TDRD9: variants seen among roughly 807,000 people sequenced by gnomAD.
TDRD9 encodes the protein tudor domain containing 9.
TDRD9 carries 124 observed loss-of-function variants against 172.6 expected under a neutral mutation model. The observed-to-expected ratio is 0.72, with a 90% CI of 0.62 to 0.83. The LOEUF is 0.83. TDRD9 is among the 40% of genes least tolerant of loss of function. The pLI is 0.00. For synonymous variants in TDRD9, 619 were observed against 617.1 expected, an observed-to-expected ratio of 1.00 and a Z score of -0.05; for missense variants, 1,479 against 1,714.1, an observed-to-expected ratio of 0.86 and a Z score of 2.42.
chr14:104,031,014 AG>A, intron 28 of TDRD9, 93 bp from the exon 29 acceptor site: 1 of 1,118,860 alleles, frequency 8.9e-7, no homozygotes, highest in Non-Finnish European at 1.3e-6. Flanking sequence ...TAGAAATCAG[AG>A]TAACACTGTG....
chr14:103,963,219 A>C, intron 3 of TDRD9, 43 bp downstream of exon 3: 1 of 1,354,188 alleles, frequency 7.4e-7, no homozygotes, highest in African/African-American at 1.4e-5. Context: ...GTTTGAATAC[A>C]TGTCTGAGGC....
At chr14:104,031,699 A>G (rs1239893357) in intron 29 of TDRD9, among the ~76,000 whole-genome samples, 1 of 152,020 alleles carries the variant, frequency 6.6e-6, no homozygotes, top group East Asian at 1.9e-4. Context: ...TCTCAGGTCT[A>G]CCTGTGCAAC....
intron 2 of TDRD9, among the ~76,000 whole-genome samples, chr14:103,958,907 A>G (rs2032372342): frequency 6.6e-6 from 1 of 152,214 alleles, no homozygotes; most frequent in Non-Finnish European, 1.5e-5. Flanking sequence ...AAGACTAGTA[A>G]TAGGGCCTGT....
chr14:104,004,376 T>G, intron 14 of TDRD9, 41 bp downstream of exon 14: 1 of 963,998 alleles, frequency 1.0e-6, no homozygotes, highest in Middle Eastern at 2.9e-4. Flanking sequence ...TTTATTTATT[T>G]ATTTATTTAT....
chr14:104,040,199 T>C lies in TDRD9; in HGVS notation c.3720T>C (p.Ile1240=). The change falls in exon 33 of 36, where the codon ATT becomes ATC. Residue 1240 remains isoleucine, a synonymous_variant. Coordinates refer to ENST00000409874, the MANE Select transcript of TDRD9 (RefSeq NM_153046.3). ...CTTCTGAAAACATTCCATTTAGGAT[T>C]GATCAGAATGGCAAGTACTATACTG... is the stretch of plus-strand genomic sequence containing the variant. The part of the protein sequence containing the change: ...MLFAPVIELR[I]DQNGKYYTGV... 6.6e-7 allele frequency: 1 copy of C among 1,523,028 alleles called. No homozygotes were observed. Among genetic ancestry groups the C allele is most frequent in the Non-Finnish European group, 8.8e-7 (1 of 1,130,860 alleles). 94.3% of individuals were successfully genotyped at this position (1,523,028 alleles called of 1,614,324 possible).
At position 103,970,906 on chromosome 14, in the gene TDRD9, G is replaced by T. The variant is rs191847686; in HGVS notation, c.846+285G>T. On this transcript the variant is annotated intron_variant, in intron 6 of 35. Coordinates refer to ENST00000409874, the MANE Select transcript of TDRD9 (RefSeq NM_153046.3). ...TTGCTATACTCTATTTTTTAAATTT[G>T]TATTTTTATTTTTTCTGAATATTTT... is the stretch of plus-strand genomic sequence containing the variant. Among the ~76,000 whole-genome samples, 1,232 of 152,084 alleles carry T rather than the reference G, an allele frequency of 8.1e-3. 6 individuals are homozygous for T. The highest frequency in any genetic ancestry group is 0.024 in the Middle Eastern group (7 of 292).
At chr14:103,941,402 G>A in intron 1 of TDRD9, 1 of 1,533,486 alleles carries the variant, frequency 6.5e-7, no homozygotes, top group Non-Finnish European at 8.7e-7. Flanking sequence ...TTTACCTGCT[G>A]AGAATAGTTC....
At chr14:103,972,047 C>T (rs1010667535) in intron 6 of TDRD9, among the ~76,000 whole-genome samples, 1 of 152,024 alleles carries the variant, frequency 6.6e-6, no homozygotes, top group African/African-American at 2.4e-5. Flanking sequence ...GTCCCAGCTA[C>T]TTGGGAGGCT....
At chr14:103,964,256 A>G (rs960824007) in intron 3 of TDRD9, among the ~76,000 whole-genome samples, 8 of 152,132 alleles carry the variant, frequency 5.3e-5, no homozygotes, top group Non-Finnish European at 7.4e-5. Flanking sequence ...AAATAAATAA[A>G]CAGATATTTA....
chr14:104,022,242 A>G lies in TDRD9; in HGVS notation c.2518A>G (p.Lys840Glu), dbSNP rs770381509. The change falls in exon 24 of 36, where the codon AAA (lysine) becomes GAA (glutamate). Residue 840 changes from lysine (K) to glutamate (E), a missense_variant. This residue lies in a region of TDRD9 where 1,413 missense variants were observed against 1,649.1 expected (regional missense o/e 0.86). Coordinates refer to ENST00000409874, the MANE Select transcript of TDRD9 (RefSeq NM_153046.3). ...TATGGCAATTAAGATGTCTCAACTA[A>G]AAGTTTCACTTGAACTCAGCGTTCA... The part of the protein sequence containing the change: ...VYMAIKMSQL[K>E]VSLELSVHSA... 1 of 1,611,236 alleles carries G rather than the reference A, an allele frequency of 6.2e-7. No homozygotes were observed. Among genetic ancestry groups the G allele is most frequent in the Non-Finnish European group, 8.5e-7 (1 of 1,178,720 alleles).
chr14:103,941,363 T>C, intron 1 of TDRD9: 1 of 1,456,784 alleles, frequency 6.9e-7, no homozygotes, highest in Non-Finnish European at 9.2e-7. Context: ...GACTTAGCAG[T>C]AGCAGGAATC....
chr14:103,994,230 G>A (rs2033975101), intron 9 of TDRD9, 102 bp from the exon 10 acceptor site: 1 of 967,496 alleles, frequency 1.0e-6, no homozygotes, highest in Non-Finnish European at 1.6e-6. Context: ...AAATAAATTG[G>A]TAGGGCCTTC....
chr14:104,029,640 C>G lies in TDRD9; in HGVS notation c.3283-1468C>G, dbSNP rs140647811. ...GCAAAGAGGGACATTTTGACTTTCT[C>G]TTTTCTAATTTGGATGCCCTTTCTT... On this transcript the variant is annotated intron_variant, in intron 28 of 35. Transcript: ENST00000409874. Among the ~76,000 whole-genome samples, 42 of 152,252 alleles carry G rather than the reference C, an allele frequency of 2.8e-4. No homozygotes were observed. In the East Asian group the frequency reaches 7.3e-3, roughly 27 times the overall value.
rs1420109809 is a variant in TDRD9, at chr14:103,962,988, G to GTGTGTGTA, written c.323-86_323-85insGTATGTGT. 1.2e-4 allele frequency: 78 copies of GTGTGTGTA among 673,640 alleles called. No individual in the cohort carries two copies. The South Asian group carries it at 1.4e-3, about 12-fold the overall frequency. 41.7% of individuals were successfully genotyped at this position (673,640 alleles called of 1,614,324 possible). A position where few individuals can be genotyped will look rare whatever the true frequency, so the allele number is the denominator to read the frequency against. ...TGAGTGTGTGTGTGTGTGTGTGTGT[G>GTGTGTGTA]TGTGTATGCTGTATCTATAGATTAG... is the stretch of plus-strand genomic sequence containing the variant. On this transcript the variant is annotated intron_variant, in intron 2 of 35. Coordinates refer to ENST00000409874, the MANE Select transcript of TDRD9 (RefSeq NM_153046.3).
intron 30 of TDRD9, among the ~76,000 whole-genome samples, chr14:104,032,702 G>A (rs1424104777): frequency 6.6e-6 from 1 of 152,194 alleles, no homozygotes; most frequent in Non-Finnish European, 1.5e-5. Flanking sequence ...AGCAGTGTGT[G>A]GTTTGGGGCA....
At chr14:104,016,202 T>TTAGGCTTGTTTGGCCTTTTCAGGTGTATC (rs1022009553) in intron 22 of TDRD9, 114 bp downstream of exon 22, 3 of 722,092 alleles carry the variant, frequency 4.2e-6, no homozygotes, top group Non-Finnish European at 6.8e-6. Context: ...GGCGTGAATA[T>TTAGGCTTGTTTGGCCTTTTCAGGTGTATC]TAGGCTTGTT....
At position 104,035,026 on chromosome 14, in the gene TDRD9, G is replaced by C. The variant is rs753958523; in HGVS notation, c.3686G>C (p.Ser1229Thr). ...ATCCCTGGCCTCCCGGCTCTCCTCA[G>C]CATGTTATTCGCACCGGTGATAGAG... ...PHIPGLPALL[S>T]MLFAPVIELR... Residue 1229 changes from serine (S) to threonine (T), a missense_variant, in exon 32 of 36, where the codon AGC (serine) becomes ACC (threonine). Transcript: ENST00000409874. 1.3e-6 allele frequency: 2 copies of C among 1,551,786 alleles called. No homozygotes were observed. The highest frequency in any genetic ancestry group is 2.4e-5 in the South Asian group (2 of 84,052).
At chr14:103,995,881 G>T in intron 12 of TDRD9, 74 bp downstream of exon 12, 1 of 1,336,116 alleles carries the variant, frequency 7.5e-7, no homozygotes, top group South Asian at 1.4e-5. Context: ...CCTCACTCAG[G>T]AATTGTTCTT....
At chr14:103,989,860 G>T (rs573997483) in intron 8 of TDRD9, among the ~76,000 whole-genome samples, 1 of 152,256 alleles carries the variant, frequency 6.6e-6, no homozygotes, top group East Asian at 1.9e-4. Context: ...CACGTCCACA[G>T]GCAGGGCCTC....
Sources: gnomAD v4.1 joint callset for allele counts (sites outside exome capture counted in the v4.1 genomes callset) on GRCh38, gnomAD v4.1.1 for gene constraint, gnomAD v4.1.1 regional missense constraint, MANE v1.5 for transcripts, NCBI Gene and HGNC (gene_info 2026-07-23, HGNC 2026-07-21) for gene names.